Variants in SPG7 observed in about 807,000 individuals in gnomAD.
SPG7 encodes SPG7 matrix AAA peptidase subunit, paraplegin, also known as mitochondrial inner membrane m-AAA protease component paraplegin.
Under a neutral mutation model 81.9 loss-of-function variants are expected in SPG7, and 103 were observed. That is an observed-to-expected ratio of 1.26 (90% confidence interval 1.07 to 1.48). The LOEUF is 1.48. Ranked by LOEUF, SPG7 falls within the 40% of genes most tolerant of loss-of-function variation. SPG7 has a pLI of 0.00. For missense variants in SPG7, 1,241 were observed against 1,087.3 expected (o/e 1.14, Z -1.99); for synonymous variants, 534 against 444.2 (o/e 1.20, Z -2.54).
At chr16:89,550,953 G>T (rs555496849) in intron 13 of SPG7, among the ~76,000 whole-genome samples, 1 of 152,354 alleles carries the variant, frequency 6.6e-6, no homozygotes, top group Admixed American at 6.5e-5. Context: ...ACATTGGAAA[G>T]AAGTGAGTTG....
intron 2 of SPG7, among the ~76,000 whole-genome samples, chr16:89,510,819 C>G (rs1027711451): frequency 2.0e-5 from 3 of 152,180 alleles, no homozygotes; most frequent in Non-Finnish European, 2.9e-5. Flanking sequence ...CGTGTACCGT[C>G]ACACTCGGCT....
intron 10 of SPG7, chr16:89,545,526 G>A: frequency 5.0e-6 from 1 of 200,496 alleles, no homozygotes; most frequent in South Asian, 7.3e-5. Flanking sequence ...CTTCTCCAGG[G>A]GACACTGCTT....
intron 2 of SPG7, among the ~76,000 whole-genome samples, chr16:89,510,936 G>A (rs1295315422): frequency 6.6e-6 from 1 of 152,156 alleles, no homozygotes; most frequent in Admixed American, 6.6e-5. Context: ...AGGCTGGAGT[G>A]ATCCTCCCAC....
At chr16:89,555,059 G>C (rs2058673036) in intron 16 of SPG7, 4 of 170,392 alleles carry the variant, frequency 2.3e-5, no homozygotes, top group Non-Finnish European at 3.8e-5. Context: ...GCGACTGCAG[G>C]CATGCACCAA....
At chr16:89,547,895 G>A (rs1472058797) in intron 11 of SPG7, 108 bp from the exon 12 acceptor site, 8 of 841,374 alleles carry the variant, frequency 9.5e-6, no homozygotes, top group Non-Finnish European at 1.4e-5. Context: ...TTACAGGGGT[G>A]AGCCACCATG....
At chr16:89,518,583 C>T (rs2152397116) in intron 3 of SPG7, 1 of 152,084 alleles carries the variant, frequency 6.6e-6, no homozygotes, top group South Asian at 2.1e-4. Context: ...GCGGGTGAAC[C>T]CAGAAGGAAT....
intron 12 of SPG7, chr16:89,548,473 G>T (rs1368336961): frequency 9.7e-6 from 3 of 310,084 alleles, no homozygotes; most frequent in African/African-American, 6.6e-5. Context: ...TGGGGGCTGA[G>T]CTCCAGCCGC....
intron 3 of SPG7, chr16:89,519,471 C>T (rs1489808560): frequency 2.0e-5 from 3 of 152,058 alleles, no homozygotes; most frequent in Non-Finnish European, 2.9e-5. Flanking sequence ...ACCTCCGCCT[C>T]CCGGGTTCAA....
intron 14 of SPG7, chr16:89,553,503 G>A: frequency 1.9e-6 from 1 of 536,628 alleles, no homozygotes; most frequent in Non-Finnish European, 3.4e-6. Flanking sequence ...AGGTCCATGG[G>A]TTTGCCTCGC....
At chr16:89,520,635 G>C (rs1035001966) in intron 3 of SPG7, 1 of 152,504 alleles carries the variant, frequency 6.6e-6, no homozygotes, top group Non-Finnish European at 1.5e-5. Flanking sequence ...GACCTCAGGT[G>C]ATCCACTCAC....
chr16:89,521,990 T>G (rs1439128132), intron 3 of SPG7: 1 of 152,180 alleles, frequency 6.6e-6, no homozygotes, highest in Non-Finnish European at 1.5e-5. Flanking sequence ...TTTCTCAGTT[T>G]CCCAGTGCAC....
chr16:89,527,424 A>G (rs961494979), intron 5 of SPG7: 1 of 152,256 alleles, frequency 6.6e-6, no homozygotes, highest in African/African-American at 2.4e-5. Flanking sequence ...TTGTGACAAT[A>G]ACAACGTTCA....
At chr16:89,532,929 A>C in intron 9 of SPG7, 2 of 434,634 alleles carry the variant, frequency 4.6e-6, no homozygotes, top group East Asian at 4.7e-5. Flanking sequence ...ACAAAAATAC[A>C]AAAGTCAGCC....
intron 3 of SPG7, among the ~76,000 whole-genome samples, chr16:89,514,761 G>T (rs780002964): frequency 1.3e-5 from 2 of 151,974 alleles, no homozygotes; most frequent in Non-Finnish European, 2.9e-5. Flanking sequence ...GCCTCCCAAA[G>T]TTCTAGGATT....
chr16:89,539,494 C>T (rs1349644050), intron 9 of SPG7: 1 of 152,240 alleles, frequency 6.6e-6, no homozygotes, highest in African/African-American at 2.4e-5. Flanking sequence ...GAGCGAAACT[C>T]CTTCTCAAAA....
At chr16:89,548,741 C>T (rs1042293703) in intron 12 of SPG7, 4 of 354,662 alleles carry the variant, frequency 1.1e-5, no homozygotes, top group East Asian at 1.5e-4. Context: ...AACTGGGAAT[C>T]GGAGCTGCTG....
At chr16:89,526,686 C>T (rs1004105771) in intron 5 of SPG7, 5 of 516,598 alleles carry the variant, frequency 9.7e-6, no homozygotes, top group African/African-American at 7.7e-5. Flanking sequence ...TCTCGGACTT[C>T]CCAAGGATAC....
In SPG7 at chr16:89,531,160, C is replaced by A. The variant is rs1428537879; in HGVS notation, c.987+352C>A. ...AGCTGCCTATCACGTGCGTCACTTACACGTTTCCTCCGCGGGCCTGGTACG... is the reference window on the plus strand; with the variant it reads ...AGCTGCCTATCACGTGCGTCACTTAAACGTTTCCTCCGCGGGCCTGGTACG... On this transcript the variant is annotated intron_variant, in intron 7 of 16. Coordinates refer to ENST00000645818, the MANE Select transcript of SPG7 (RefSeq NM_003119.4). 1.0e-5 allele frequency: 4 copies of A among 391,758 alleles called. No homozygotes were observed. The Admixed American group carries it at 1.4e-4, about 14-fold the overall frequency. The allele number at this position is 391,758 out of a possible 1,614,324, so 24.3% of individuals were successfully genotyped here.
intron 3 of SPG7, among the ~76,000 whole-genome samples, chr16:89,516,528 A>G (rs1390155280): frequency 6.6e-6 from 1 of 151,956 alleles, no homozygotes; most frequent in African/African-American, 2.4e-5. Flanking sequence ...TTCAGCCTGG[A>G]TAATAGAGTG....
Sources: allele counts gnomAD v4.1 joint callset (sites outside exome capture counted in the v4.1 genomes callset), GRCh38; gene constraint gnomAD v4.1.1; transcripts MANE v1.5; gene names NCBI Gene and HGNC (gene_info 2026-07-23, HGNC 2026-07-21).